Variants in PIP5K1B observed in about 807,000 individuals in gnomAD.
The protein encoded by PIP5K1B is phosphatidylinositol-4-phosphate 5-kinase type 1 beta.
Under a neutral mutation model 67.0 loss-of-function variants are expected in PIP5K1B, and 42 were observed. The ratio of observed to expected loss-of-function variants is 0.63; its 90% CI spans 0.49 to 0.81. PIP5K1B has a LOEUF of 0.81. PIP5K1B is among the 30% of genes least tolerant of loss of function. The pLI is 0.00. For synonymous variants in PIP5K1B, 214 were observed against 231.4 expected (o/e 0.92, Z 0.68); for missense variants, 459 against 646.3 (o/e 0.71, Z 3.14).
intron 11 of PIP5K1B, among the ~76,000 whole-genome samples, chr9:68,920,803 TACACACACACACACAC>T (rs59573461): frequency 1.4e-5 from 2 of 141,434 alleles, no homozygotes; most frequent in Non-Finnish European, 3.1e-5. Context: ...TACACACACA[TACACACACACACACAC>T]ACACACACAC....
At chr9:68,834,071 A>G (rs964084759) in intron 4 of PIP5K1B, among the ~76,000 whole-genome samples, 1 of 152,226 alleles carries the variant, frequency 6.6e-6, no homozygotes, top group African/African-American at 2.4e-5. Context: ...TTCCACAGTT[A>G]TATTCCTAAA....
chr9:68,917,723 A>C lies in PIP5K1B; in HGVS notation c.947A>C (p.Lys316Thr). 6.2e-7 allele frequency: 1 copy of C among 1,614,114 alleles called. No homozygotes were observed. Among genetic ancestry groups the C allele is most frequent in the East Asian group, 2.2e-5 (1 of 44,892 alleles). ...ATGGAATCTATCCAGGGTCCAGGGAAATCTGGAGATGGGATAATCACAGAG... is the reference window on the plus strand; with the variant it reads ...ATGGAATCTATCCAGGGTCCAGGGACATCTGGAGATGGGATAATCACAGAG... ...TAMESIQGPGKSGDGIITENP... is the reference protein window; with the variant it reads ...TAMESIQGPGTSGDGIITENP... The change falls in exon 9 of 16, where the codon AAA (lysine) becomes ACA (threonine). Residue 316 changes from lysine (K) to threonine (T), a missense_variant. By Grantham distance (78) the Lys-to-Thr change is moderately conservative. Transcript: ENST00000265382.
intron 14 of PIP5K1B, among the ~76,000 whole-genome samples, chr9:68,957,373 G>T (rs909375266): frequency 2.0e-5 from 3 of 152,184 alleles, no homozygotes; most frequent in African/African-American, 7.2e-5. Context: ...TGCAAAGGAG[G>T]CTGGGAAGAG....
chr9:68,729,704 G>A (rs190790093), intron 1 of PIP5K1B, among the ~76,000 whole-genome samples: 248 of 152,206 alleles, frequency 1.6e-3, no homozygotes, highest in Middle Eastern at 0.014. Context: ...ATCATCCATA[G>A]TAATAGTAAA....
intron 2 of PIP5K1B, among the ~76,000 whole-genome samples, chr9:68,801,531 A>G (rs1444585100): frequency 1.3e-5 from 2 of 152,184 alleles, no homozygotes; most frequent in African/African-American, 4.8e-5. Context: ...CCAAGACTAA[A>G]GATTTGGGAT....
rs762988817 is a variant in PIP5K1B at position 68,934,912 on chromosome 9, G to C, written c.1224G>C (p.Lys408Asn). ...KIQALKASPS[K>N]KRCNSIAALK... is the part of the protein sequence containing the mutation. The stretch of plus-strand genomic sequence containing the variant: ...TAGCTTTGAAGGCTTCACCGTCTAA[G>C]AAACGGTGCAATTCAATCGCCGCCC... Residue 408 changes from lysine to asparagine, a missense_variant, in exon 13 of 16, where the codon AAG becomes AAC. This residue lies in a region of PIP5K1B where 169 missense variants were observed against 171.9 expected (regional missense o/e 0.98). Coordinates refer to ENST00000265382, the MANE Select transcript of PIP5K1B (RefSeq NM_003558.4). The C allele has an allele frequency of 7.4e-6, 12 of 1,611,446 alleles. No homozygotes were observed. Among genetic ancestry groups the C allele is most frequent in the Non-Finnish European group, 7.6e-6 (9 of 1,178,552 alleles).
intron 2 of PIP5K1B, chr9:68,782,848 C>T (rs1831377018): frequency 1.2e-5 from 2 of 167,094 alleles, no homozygotes; most frequent in African/African-American, 4.8e-5. Flanking sequence ...CTCACTTCAC[C>T]TGTTCTTGCA....
chr9:68,730,771 T>C (rs1337563502), intron 1 of PIP5K1B, among the ~76,000 whole-genome samples: 1 of 152,234 alleles, frequency 6.6e-6, no homozygotes, highest in Non-Finnish European at 1.5e-5. Context: ...CAAAGATTCA[T>C]TGAGTCCTTA....
rs558119938 is a variant in PIP5K1B, at chr9:68,718,296, C to T, written c.-243+12534C>T. 2.0e-5 allele frequency among the ~76,000 whole-genome samples: 3 copies of T among 152,324 alleles called. No homozygotes were observed. In the South Asian group the frequency reaches 6.2e-4, roughly 32 times the overall value. ...ACATATGTAAGCTTCAATCATCAAA[C>T]ATGGCCTTTAACCTGGGAAATGTCT... On this transcript the variant is annotated intron_variant, in intron 1 of 15. Transcript: ENST00000265382.
chr9:68,829,700 A>G (rs1390185419), intron 4 of PIP5K1B, among the ~76,000 whole-genome samples: 1 of 152,188 alleles, frequency 6.6e-6, no homozygotes, highest in Non-Finnish European at 1.5e-5. Flanking sequence ...AACTGTAGGC[A>G]TTTTTCCTAG....
chr9:68,807,698 C>G (rs183601932), intron 2 of PIP5K1B, among the ~76,000 whole-genome samples: 1 of 152,260 alleles, frequency 6.6e-6, no homozygotes, highest in East Asian at 1.9e-4. Context: ...CCAATCAAAA[C>G]TGGTTTTATT....
chr9:68,851,727 G>C (rs1822492643), intron 4 of PIP5K1B, among the ~76,000 whole-genome samples: 1 of 152,194 alleles, frequency 6.6e-6, no homozygotes, highest in African/African-American at 2.4e-5. Flanking sequence ...GCAAGTTTAA[G>C]TGGGACAGTT....
At chr9:68,939,791 G>T (rs1773528907) in intron 13 of PIP5K1B, among the ~76,000 whole-genome samples, 1 of 152,144 alleles carries the variant, frequency 6.6e-6, no homozygotes, top group African/African-American at 2.4e-5. Context: ...CCCTGTTAGG[G>T]TCGGTTTATA....
At chr9:68,717,811 G>A (rs1041573217) in intron 1 of PIP5K1B, among the ~76,000 whole-genome samples, 4 of 152,134 alleles carry the variant, frequency 2.6e-5, no homozygotes, top group African/African-American at 4.8e-5. Context: ...TAGTATATAC[G>A]TAGAGATATA....
chr9:68,976,124 ATC>A (rs1356024964), intron 14 of PIP5K1B, among the ~76,000 whole-genome samples: 1 of 152,354 alleles, frequency 6.6e-6, no homozygotes, highest in Non-Finnish European at 1.5e-5. Context: ...ATTGCAGAGT[ATC>A]TGGCAGCAAA....
At chr9:68,977,737 C>T (rs1478484748) in intron 14 of PIP5K1B, among the ~76,000 whole-genome samples, 1 of 150,882 alleles carries the variant, frequency 6.6e-6, no homozygotes, top group African/African-American at 2.4e-5. Context: ...TCACTGGAAC[C>T]TCTGCCTCCC....
At chr9:68,963,315 C>T (rs1365868663) in intron 14 of PIP5K1B, 10 of 439,100 alleles carry the variant, frequency 2.3e-5, no homozygotes, top group Non-Finnish European at 4.6e-5. Context: ...CCAGCCTGGG[C>T]AATATGGTGA....
intron 4 of PIP5K1B, among the ~76,000 whole-genome samples, chr9:68,828,920 G>A (rs1834135852): frequency 6.6e-6 from 1 of 151,932 alleles, no homozygotes; most frequent in Non-Finnish European, 1.5e-5. Flanking sequence ...TGGCCAACAT[G>A]GTGAAACCCC....
chr9:68,775,241 G>A (rs1830859900), intron 2 of PIP5K1B, among the ~76,000 whole-genome samples: 1 of 152,194 alleles, frequency 6.6e-6, no homozygotes, highest in African/African-American at 2.4e-5. Context: ...AATTTGAGGT[G>A]CAACAGCAAA....
Sources: gnomAD v4.1 joint callset for allele counts (sites outside exome capture counted in the v4.1 genomes callset) on GRCh38, gnomAD v4.1.1 for gene constraint, gnomAD v4.1.1 regional missense constraint, MANE v1.5 for transcripts, NCBI Gene and HGNC (gene_info 2026-07-23, HGNC 2026-07-21) for gene names.